The following PDE10A variants were observed in gnomAD, a reference collection of about 807,000 sequenced individuals.
The protein encoded by PDE10A is cAMP and cAMP-inhibited cGMP 3',5'-cyclic phosphodiesterase 10A.
A neutral mutation model predicts 97.7 loss-of-function variants in PDE10A; 39 were observed. The ratio of observed to expected loss-of-function variants is 0.40; its 90% CI spans 0.31 to 0.52. The LOEUF is 0.52. PDE10A is among the 20% of genes least tolerant of loss of function. The pLI is 0.56. For synonymous variants in PDE10A, 371 were observed against 376.8 expected (o/e 0.98, Z 0.18); for missense variants, 731 against 1,047.8 (o/e 0.70, Z 4.17).
chr6:165,912,249 A>T (rs1384109509), intron 1 of PDE10A, among the ~76,000 whole-genome samples: 4 of 152,200 alleles, frequency 2.6e-5, no homozygotes, highest in African/African-American at 9.7e-5. Context: ...ATATGTATAC[A>T]TACATACATA....
At chr6:165,960,396 C>T (rs191687164) in intron 1 of PDE10A, among the ~76,000 whole-genome samples, 10 of 152,258 alleles carry the variant, frequency 6.6e-5, no homozygotes, top group Admixed American at 4.6e-4. Flanking sequence ...CCCTCATCCA[C>T]GGGATTCCAG....
At chr6:165,517,514 T>C (rs931442640) in intron 2 of PDE10A, among the ~76,000 whole-genome samples, 1 of 152,176 alleles carries the variant, frequency 6.6e-6, no homozygotes, top group African/African-American at 2.4e-5. Flanking sequence ...ATAATCCAAA[T>C]AGGCTTTAGA....
At chr6:165,395,159 T>A (rs1460201293) in intron 15 of PDE10A, 22 bp downstream of exon 15, 1 of 1,531,608 alleles carries the variant, frequency 6.5e-7, no homozygotes, top group Non-Finnish European at 9.0e-7. Context: ...TTTCAAAAAG[T>A]AAATTTTAAA....
At chr6:165,460,924 A>C (rs1001870627) in intron 3 of PDE10A, among the ~76,000 whole-genome samples, 32 of 152,238 alleles carry the variant, frequency 2.1e-4, no homozygotes, top group African/African-American at 7.7e-4. Context: ...CCTGCCAAAA[A>C]TTAGGAAATA....
At chr6:165,656,086 T>C (rs1411510026) in intron 1 of PDE10A, among the ~76,000 whole-genome samples, 3 of 151,960 alleles carry the variant, frequency 2.0e-5, no homozygotes, top group African/African-American at 4.8e-5. Flanking sequence ...CTGGTTCTTG[T>C]CTGCACCACC....
intron 1 of PDE10A, among the ~76,000 whole-genome samples, chr6:165,960,836 G>A (rs1784336461): frequency 6.6e-6 from 1 of 152,186 alleles, no homozygotes; most frequent in Non-Finnish European, 1.5e-5. Flanking sequence ...GTGTGAGTGA[G>A]TGTCTAATGG....
At chr6:165,515,304 G>C (rs1781728140) in intron 2 of PDE10A, among the ~76,000 whole-genome samples, 1 of 152,024 alleles carries the variant, frequency 6.6e-6, no homozygotes, top group Non-Finnish European at 1.5e-5. Context: ...TACTTCTATA[G>C]TGCTTTTATT....
chr6:165,834,182 G>A (rs1023643540), intron 1 of PDE10A, among the ~76,000 whole-genome samples: 2 of 152,184 alleles, frequency 1.3e-5, no homozygotes, highest in African/African-American at 4.8e-5. Flanking sequence ...CACCTGCCCT[G>A]CAGACTCCTC....
Position 165,671,894 on chromosome 6 carries a change from C to T in PDE10A, c.-614-128326G>A, listed in dbSNP as rs767276323. Among the ~76,000 whole-genome samples the T allele has an allele frequency of 2.0e-5, 3 of 152,178 alleles. No individual in the cohort carries two copies. The highest frequency in any genetic ancestry group is 4.8e-5 in the African/African-American group (2 of 41,434). Reference sequence around the variant, plus strand: ...GTCTCCCCATATAAAAGCAAGTTTACACATTAAATATCTCTATTTTATAGC... The same window carrying T: ...GTCTCCCCATATAAAAGCAAGTTTATACATTAAATATCTCTATTTTATAGC... On this transcript the variant is annotated intron_variant, in intron 1 of 19. Transcript: ENST00000366882. The surrounding 1 kb of genome is among the most constrained non-coding windows in gnomAD (Gnocchi z 4.6).
At chr6:165,458,461 G>A (rs932924615) in intron 3 of PDE10A, among the ~76,000 whole-genome samples, 3 of 152,086 alleles carry the variant, frequency 2.0e-5, no homozygotes, top group Non-Finnish European at 2.9e-5. Context: ...AGCAGACCCC[G>A]AATGTGCCAT....
chr6:165,353,823 A>T (rs961217042), intron 18 of PDE10A, among the ~76,000 whole-genome samples: 1 of 152,172 alleles, frequency 6.6e-6, no homozygotes, highest in African/African-American at 2.4e-5. Flanking sequence ...GTCCAGACCC[A>T]TAGAAGGTAC....
At chr6:165,731,281 G>A (rs141469502) in intron 1 of PDE10A, among the ~76,000 whole-genome samples, 42 of 152,218 alleles carry the variant, frequency 2.8e-4, no homozygotes, top group Middle Eastern at 3.4e-3. Context: ...AGCCCTGTAC[G>A]GGGGGAAAAG....
chr6:165,878,273 C>G (rs1022054611), intron 1 of PDE10A, among the ~76,000 whole-genome samples: 3 of 152,130 alleles, frequency 2.0e-5, no homozygotes, highest in Non-Finnish European at 4.4e-5. Context: ...AATATTTCCC[C>G]CTGCTAAGTC....
At chr6:165,721,265 C>T (rs6910571) in intron 1 of PDE10A, among the ~76,000 whole-genome samples, 1,596 of 152,304 alleles carry the variant, frequency 0.01, 30 homozygotes, top group African/African-American at 0.037. Context: ...TTAATGCGTT[C>T]ATCCCTTCCC....
rs187251976 is a variant in PDE10A at position 165,711,744 on chromosome 6, G to A, written c.-614-168176C>T. ...CTGTTCAGAACAACCCAGGAACTGT[G>A]CTAATTCACTCGTCAGACCAGCGAA... is the stretch of plus-strand genomic sequence containing the variant. On this transcript the variant is annotated intron_variant, in intron 1 of 19. Coordinates refer to the PDE10A transcript ENST00000366882. This position sits in a 1 kb window ranked among gnomAD's most constrained non-coding sequence, Gnocchi z 4.5. 3.6e-4 allele frequency among the ~76,000 whole-genome samples: 55 copies of A among 152,314 alleles called. No individual in the cohort carries two copies. The East Asian group carries it at 9.1e-3, about 25-fold the overall frequency.
At chr6:165,953,795 G>C (rs910500607) in intron 1 of PDE10A, among the ~76,000 whole-genome samples, 4 of 152,238 alleles carry the variant, frequency 2.6e-5, no homozygotes, top group Non-Finnish European at 4.4e-5. Flanking sequence ...TTGGTTCCTT[G>C]TGTTGTACAG....
At chr6:165,800,468 G>T (rs904401119) in intron 1 of PDE10A, among the ~76,000 whole-genome samples, 1 of 152,198 alleles carries the variant, frequency 6.6e-6, no homozygotes, top group African/African-American at 2.4e-5. Flanking sequence ...GCAGAGGTGT[G>T]AGCGTCCCTC....
In PDE10A at chr6:165,702,867, C is replaced by T. The variant is rs965041052; in HGVS notation, c.-614-159299G>A. Reference sequence around the variant, plus strand: ...GAATGTGAGGCTCTGACGTTCCTAACACATGAGATGACTCTGGAAGCCAGG... The same window carrying T: ...GAATGTGAGGCTCTGACGTTCCTAATACATGAGATGACTCTGGAAGCCAGG... On this transcript the variant is annotated intron_variant, in intron 1 of 19. Coordinates refer to the PDE10A transcript ENST00000366882. Among the ~76,000 whole-genome samples the T allele has an allele frequency of 3.9e-4, 60 of 152,294 alleles. No individual in the cohort carries two copies. In the South Asian group the frequency reaches 9.6e-3, roughly 24 times the overall value.
intron 5 of PDE10A, among the ~76,000 whole-genome samples, chr6:165,438,117 T>A (rs1302066700): frequency 6.6e-6 from 1 of 152,224 alleles, no homozygotes; most frequent in Non-Finnish European, 1.5e-5. Flanking sequence ...TGAATCATTA[T>A]CACTTTTCCA....
Sources: allele counts gnomAD v4.1 joint callset (sites outside exome capture counted in the v4.1 genomes callset), GRCh38; gene constraint gnomAD v4.1.1; non-coding constraint Gnocchi (gnomAD v3.1); transcripts MANE v1.5; gene names NCBI Gene and HGNC (gene_info 2026-07-23, HGNC 2026-07-21).